Variants in STK40 observed in about 807,000 individuals in gnomAD.
STK40 encodes serine/threonine kinase 40, also known as serine/threonine-protein kinase 40.
In STK40, 13 loss-of-function variants were observed where a neutral mutation model predicts 47.9. The observed-to-expected ratio is 0.27, with a 90% CI of 0.18 to 0.43. STK40 has a LOEUF of 0.43. STK40 is among the 20% of genes least tolerant of loss of function. STK40 has a pLI of 1.00. For missense variants in STK40, 460 were observed against 595.1 expected, an observed-to-expected ratio of 0.77 and a Z score of 2.36; for synonymous variants, 225 against 243.2, an observed-to-expected ratio of 0.93 and a Z score of 0.69.
chr1:36,360,604 C>A (rs527429355), intron 2 of STK40, among the ~76,000 whole-genome samples: 2 of 151,926 alleles, frequency 1.3e-5, no homozygotes, highest in African/African-American at 4.8e-5. Context: ...GGCGTGATCA[C>A]GACTCACTGT....
At chr1:36,358,462 G>A (rs993299834) in intron 3 of STK40, 80 bp from the exon 4 acceptor site, 3 of 1,520,644 alleles carry the variant, frequency 2.0e-6, no homozygotes, top group Non-Finnish European at 1.8e-6. Context: ...GGGGAAGCAG[G>A]GGGCTTTTTA....
chr1:36,355,467 G>A (rs1456190773), intron 4 of STK40, 34 bp from the exon 5 acceptor site: 1 of 1,609,886 alleles, frequency 6.2e-7, no homozygotes, highest in Admixed American at 1.7e-5. Context: ...GGGCTTGGCT[G>A]TGAACTTGGC....
At position 36,381,333 on chromosome 1, in the gene STK40, A is replaced by C. The variant is rs142239666; in HGVS notation, c.-9+4390T>G. Reference sequence around the variant, plus strand: ...TGCCTACCTCTCAGGCACATCCTGCAGTCAGTCCCTTCACACTCTGGGCTA... The same window carrying C: ...TGCCTACCTCTCAGGCACATCCTGCCGTCAGTCCCTTCACACTCTGGGCTA... On this transcript the variant is annotated intron_variant, in intron 1 of 10. Coordinates refer to ENST00000373132, the MANE Select transcript of STK40 (RefSeq NM_001282547.2). Among the ~76,000 whole-genome samples, 661 of 152,318 alleles carry C rather than the reference A, an allele frequency of 4.3e-3. 10 individuals carry two copies. Among genetic ancestry groups the C allele is most frequent in the Admixed American group, 0.026 (393 of 15,294 alleles).
intron 1 of STK40, 103 bp from the exon 2 acceptor site, chr1:36,361,443 CGCT>C (rs1474297989): frequency 1.4e-5 from 22 of 1,539,482 alleles, no homozygotes; most frequent in Non-Finnish European, 1.9e-5. Flanking sequence ...ACACAGCTGC[CGCT>C]GCTGCCTCCA....
chr1:36,341,902 C>T lies in STK40; in HGVS notation c.1161G>A (p.Glu387=). The change falls in exon 11 of 11, where the codon GAG becomes GAA. Residue 387 remains glutamate, a synonymous_variant. Transcript: ENST00000373132. ...GGGCGTCATGGATGGAGCTCTTCTCCTCGGCCAGCAGCAGCTGCTGACGCA... is the reference window on the plus strand; with the variant it reads ...GGGCGTCATGGATGGAGCTCTTCTCTTCGGCCAGCAGCAGCTGCTGACGCA... ...NYMRQQLLLA[E]EKSSIHDARS... 1 of 1,614,056 alleles carries T rather than the reference C, an allele frequency of 6.2e-7. No homozygotes were observed. Among genetic ancestry groups the T allele is most frequent in the Non-Finnish European group, 8.5e-7 (1 of 1,179,980 alleles).
At chr1:36,345,550 G>C (rs1259585730) in intron 7 of STK40, among the ~76,000 whole-genome samples, 1 of 152,190 alleles carries the variant, frequency 6.6e-6, no homozygotes, top group Non-Finnish European at 1.5e-5. Context: ...GTGCCAAAGA[G>C]CAGCTGCGGT....
chr1:36,355,328 T>G lies in STK40; in HGVS notation c.448A>C (p.Ser150Arg). 6.2e-7 allele frequency: 1 copy of G among 1,614,146 alleles called. No individual in the cohort carries two copies. The highest frequency in any genetic ancestry group is 8.5e-7 in the Non-Finnish European group (1 of 1,180,026). ...VLDCLCAHDF[S>R]DKTADLINLQ... The stretch of plus-strand genomic sequence containing the variant: ...TTGATGAGGTCAGCGGTCTTATCGC[T>G]GAAGTCATGAGCACAGAGGCAGTCC... The change falls in exon 5 of 11, where the codon AGC (serine) becomes CGC (arginine). Residue 150 changes from serine to arginine, a missense_variant. Ser to Arg is a moderately radical substitution (Grantham distance 110). Around this residue, in one of 3 missense-constraint regions of STK40, gnomAD observed 277 missense variants for 358.7 expected, o/e 0.77. Coordinates refer to ENST00000373132, the MANE Select transcript of STK40 (RefSeq NM_001282547.2).
At chr1:36,377,532 CA>C (rs746089027) in intron 1 of STK40, among the ~76,000 whole-genome samples, 598 of 35,454 alleles carry the variant, frequency 0.017, no homozygotes, top group African/African-American at 0.034. Flanking sequence ...GACTCCGTCT[CA>C]AAAAAAAAAA....
intron 7 of STK40, among the ~76,000 whole-genome samples, chr1:36,347,072 C>T (rs756136221): frequency 4.0e-4 from 61 of 152,212 alleles, no homozygotes; most frequent in Non-Finnish European, 6.0e-4. Flanking sequence ...AATGGTGCTA[C>T]TGTCTTTGCA....
chr1:36,362,977 G>C (rs979212469), intron 1 of STK40, among the ~76,000 whole-genome samples: 2 of 152,178 alleles, frequency 1.3e-5, no homozygotes, highest in Non-Finnish European at 2.9e-5. Context: ...CCAACATGGT[G>C]AAACCCCGTC....
chr1:36,341,509 T>C lies in STK40; in HGVS notation c.*246A>G. ...GAGACAGAGGTAGATTAAAACATCG[T>C]GATTAAAAGCAGATTAGTTATCTAG... On this transcript the variant is annotated 3_prime_UTR_variant, in exon 11 of 11. Coordinates refer to ENST00000373132, the MANE Select transcript of STK40 (RefSeq NM_001282547.2). 1 of 548,896 alleles carries C rather than the reference T, an allele frequency of 1.8e-6. No homozygotes were observed. Among genetic ancestry groups the C allele is most frequent in the Non-Finnish European group, 3.3e-6 (1 of 304,928 alleles). 34.0% of individuals were successfully genotyped at this position (548,896 alleles called of 1,614,324 possible).
intron 7 of STK40, among the ~76,000 whole-genome samples, chr1:36,347,582 C>T (rs542100443): frequency 1.4e-4 from 21 of 151,948 alleles, no homozygotes; most frequent in South Asian, 2.1e-4. Flanking sequence ...ACAGATAACG[C>T]GAGTCACGCT....
In STK40 at chr1:36,340,100, C is replaced by T. The variant is rs1274381716; in HGVS notation, c.*1655G>A. ...GAGGGCATCCCCCAGCCCCACAGCA[C>T]AAGACCCTGGCCCTCAGCGCTGGAC... On this transcript the variant is annotated 3_prime_UTR_variant, in exon 11 of 11. Coordinates refer to ENST00000373132, the MANE Select transcript of STK40 (RefSeq NM_001282547.2). The T allele has an allele frequency of 2.6e-5, 4 of 152,920 alleles. No homozygotes were observed. The highest frequency in any genetic ancestry group is 1.9e-4 in the East Asian group (1 of 5,184). The allele number at this position is 152,920 out of a possible 1,614,324, so 9.5% of individuals were successfully genotyped here.
rs1425574751 is a variant in STK40, at chr1:36,348,684, T to G, written c.739+16A>C. On this transcript the variant is annotated intron_variant, in intron 7 of 10. Coordinates refer to ENST00000373132, the MANE Select transcript of STK40 (RefSeq NM_001282547.2). ...GTATTGAGCTTAGAGGCCCAATGTC[T>G]GGCACACACACGTACCGCTGAGCAC... 1 of 1,589,646 alleles carries G rather than the reference T, an allele frequency of 6.3e-7. No individual in the cohort carries two copies.
chr1:36,381,719 G>T (rs773007540), intron 1 of STK40, among the ~76,000 whole-genome samples: 2 of 152,156 alleles, frequency 1.3e-5, no homozygotes, highest in African/African-American at 4.8e-5. Context: ...CAATTTCTGG[G>T]CTCAAGCGAT....
intron 1 of STK40, among the ~76,000 whole-genome samples, chr1:36,384,387 A>C (rs778891542): frequency 1.3e-5 from 2 of 152,218 alleles, no homozygotes; most frequent in Non-Finnish European, 2.9e-5. Context: ...ATTTCCCTTA[A>C]TTAGACTGTA....
At chr1:36,384,841 T>G (rs1212535079) in intron 1 of STK40, among the ~76,000 whole-genome samples, 7 of 152,216 alleles carry the variant, frequency 4.6e-5, no homozygotes, top group Non-Finnish European at 7.3e-5. Flanking sequence ...ATTCTGCTCT[T>G]CCTTATCTCA....
chr1:36,351,951 T>G (rs1646762837), intron 6 of STK40, among the ~76,000 whole-genome samples: 1 of 152,166 alleles, frequency 6.6e-6, no homozygotes, highest in Non-Finnish European at 1.5e-5. Context: ...CCAGATGGAT[T>G]TAGGTGCCCA....
chr1:36,362,067 T>G (rs1646857125), intron 1 of STK40, among the ~76,000 whole-genome samples: 1 of 152,138 alleles, frequency 6.6e-6, no homozygotes, highest in South Asian at 2.1e-4. Context: ...TAAGAGTCAG[T>G]TAAAGAACAC....
Sources: gnomAD v4.1 joint callset for allele counts (sites outside exome capture counted in the v4.1 genomes callset) on GRCh38, gnomAD v4.1.1 for gene constraint, gnomAD v4.1.1 regional missense constraint, MANE v1.5 for transcripts, NCBI Gene and HGNC (gene_info 2026-07-23, HGNC 2026-07-21) for gene names.